Variants in FBXL7 observed in about 807,000 individuals in gnomAD.
The protein encoded by FBXL7 is F-box and leucine rich repeat protein 7.
FBXL7 carries 12 observed loss-of-function variants against 38.3 expected under a neutral mutation model. That is an observed-to-expected ratio of 0.31 (90% CI 0.20 to 0.51). The LOEUF (loss-of-function observed/expected upper bound fraction) is 0.51, where lower values mean the gene tolerates loss of function less well. Ranked by LOEUF, FBXL7 falls within the 20% of genes least tolerant of loss-of-function variation. FBXL7 has a pLI of 0.98. For missense variants in FBXL7, 567 were observed against 676.4 expected (o/e 0.84, Z 1.79); for synonymous variants, 297 against 300.9 (o/e 0.99, Z 0.13).
chr5:15,614,562 G>A (rs58149311), intron 1 of FBXL7, among the ~76,000 whole-genome samples: 23,221 of 152,206 alleles, frequency 0.15, 1,919 homozygotes, highest in Non-Finnish European at 0.18. Context: ...AAGCCACCGC[G>A]CCCATCCAGC....
chr5:15,934,717 A>C (rs995158324), intron 3 of FBXL7, among the ~76,000 whole-genome samples: 21 of 152,174 alleles, frequency 1.4e-4, no homozygotes, highest in African/African-American at 5.1e-4. Flanking sequence ...ACTTCAGCCA[A>C]GGTCCTGAAG....
At chr5:15,697,517 G>A (rs536741137) in intron 2 of FBXL7, among the ~76,000 whole-genome samples, 3 of 152,022 alleles carry the variant, frequency 2.0e-5, no homozygotes, top group Non-Finnish European at 4.4e-5. Context: ...AGATTAATAT[G>A]ACCATAGTGT....
chr5:15,552,503 T>C (rs1160936804), intron 1 of FBXL7, among the ~76,000 whole-genome samples: 2 of 152,232 alleles, frequency 1.3e-5, no homozygotes, highest in African/African-American at 4.8e-5. Context: ...ACTCAAGATA[T>C]CAGTCTCATC....
intron 2 of FBXL7, among the ~76,000 whole-genome samples, chr5:15,634,337 T>A (rs913447016): frequency 7.7e-4 from 78 of 100,784 alleles, no homozygotes; most frequent in East Asian, 1.7e-3. Flanking sequence ...TTTTTTTTTT[T>A]AAAAGACAGA....
intron 2 of FBXL7, among the ~76,000 whole-genome samples, chr5:15,857,773 A>G (rs1258422869): frequency 2.6e-5 from 4 of 152,208 alleles, no homozygotes; most frequent in African/African-American, 7.2e-5. Flanking sequence ...GCAGAAATAG[A>G]TGATTTATTT....
intron 1 of FBXL7, chr5:15,606,952 T>C (rs547967848): frequency 1.3e-5 from 2 of 152,340 alleles, no homozygotes; most frequent in South Asian, 2.1e-4. Context: ...AAAACTAATA[T>C]GCACCTGGGC....
intron 2 of FBXL7, among the ~76,000 whole-genome samples, chr5:15,893,470 C>T (rs1226870236): frequency 1.3e-5 from 2 of 152,070 alleles, no homozygotes; most frequent in East Asian, 1.9e-4. Flanking sequence ...GGCCAATGAA[C>T]GTATCACCTG....
intron 2 of FBXL7, among the ~76,000 whole-genome samples, chr5:15,752,847 G>C (rs1477297945): frequency 6.6e-6 from 1 of 152,140 alleles, no homozygotes; most frequent in Non-Finnish European, 1.5e-5. Context: ...CCTTCTAGAA[G>C]GTTCTTGGCG....
intron 1 of FBXL7, chr5:15,501,866 ATGTGTGTG>A (rs70938014): frequency 0.13 from 28,213 of 224,790 alleles, 2,250 homozygotes; most frequent in East Asian, 0.22. Context: ...GTGCATGTGT[ATGTGTGTG>A]TGTGTGTGTG....
intron 2 of FBXL7, among the ~76,000 whole-genome samples, chr5:15,819,682 G>A (rs769266): frequency 6.6e-6 from 1 of 152,252 alleles, no homozygotes; most frequent in Non-Finnish European, 1.5e-5. Flanking sequence ...CAAAAGCATG[G>A]AGTGCGTTTG....
chr5:15,614,823 G>A (rs181010566), intron 1 of FBXL7, among the ~76,000 whole-genome samples: 4 of 152,282 alleles, frequency 2.6e-5, no homozygotes, highest in Non-Finnish European at 4.4e-5. Context: ...AACTGATGGA[G>A]GCTTGCTGCT....
rs796688287 is a variant in FBXL7 at position 15,817,578 on chromosome 5, A to C, written c.128-110312A>C. Among the ~76,000 whole-genome samples, 5 of 152,254 alleles carry C rather than the reference A, an allele frequency of 3.3e-5. No homozygotes were observed. The South Asian group carries it at 8.3e-4, about 25-fold the overall frequency. ...CCTATTACCCACCATGTGTCATGGA[A>C]GGGTCCCAGTGGGGGGTAATTGAGT... On this transcript the variant is annotated intron_variant, in intron 2 of 3. Transcript: ENST00000504595.
At chr5:15,523,519 A>G (rs1368771883) in intron 1 of FBXL7, among the ~76,000 whole-genome samples, 1 of 151,764 alleles carries the variant, frequency 6.6e-6, no homozygotes, top group Non-Finnish European at 1.5e-5. Flanking sequence ...TGATTGCACC[A>G]CTGCGCTCCA....
intron 2 of FBXL7, among the ~76,000 whole-genome samples, chr5:15,893,121 A>G (rs956148480): frequency 2.0e-5 from 3 of 151,884 alleles, no homozygotes; most frequent in Non-Finnish European, 4.4e-5. Context: ...GTCTCAAAAA[A>G]AAAAAAAAAA....
chr5:15,841,615 A>T (rs1199207455), intron 2 of FBXL7, among the ~76,000 whole-genome samples: 1 of 152,068 alleles, frequency 6.6e-6, no homozygotes, highest in Non-Finnish European at 1.5e-5. Flanking sequence ...TGCTTGAACT[A>T]CTTTGTATTT....
At chr5:15,929,625 G>GAAAAAA (rs60269538) in intron 3 of FBXL7, among the ~76,000 whole-genome samples, 2 of 113,516 alleles carry the variant, frequency 1.8e-5, no homozygotes, top group Non-Finnish European at 1.9e-5. Context: ...CCCTGTCTCT[G>GAAAAAA]AAAAAAAAAA....
intron 1 of FBXL7, among the ~76,000 whole-genome samples, chr5:15,564,588 C>G (rs1003397747): frequency 6.6e-6 from 1 of 151,694 alleles, no homozygotes; most frequent in African/African-American, 2.4e-5. Context: ...AAAAAGAAAC[C>G]AACAAAACCT....
intron 2 of FBXL7, among the ~76,000 whole-genome samples, chr5:15,622,807 C>T (rs965832859): frequency 6.6e-5 from 10 of 152,162 alleles, no homozygotes; most frequent in South Asian, 4.1e-4. Flanking sequence ...TGGGTTCAAG[C>T]GATTCTCCTG....
intron 2 of FBXL7, among the ~76,000 whole-genome samples, chr5:15,818,703 CGT>C (rs3222099): frequency 0.011 from 1,290 of 116,800 alleles, 10 homozygotes; most frequent in Non-Finnish European, 0.015. Flanking sequence ...CCCATTATTT[CGT>C]GTGTGTGTGT....
Sources: allele counts gnomAD v4.1 joint callset (sites outside exome capture counted in the v4.1 genomes callset), GRCh38; gene constraint gnomAD v4.1.1; transcripts MANE v1.5; gene names NCBI Gene and HGNC (gene_info 2026-07-23, HGNC 2026-07-21).